The following RNF121 variants were observed in gnomAD, a reference collection of about 807,000 sequenced individuals.
The protein encoded by RNF121 is E3 ubiquitin ligase RNF121.
Under a neutral mutation model 46.5 loss-of-function variants are expected in RNF121, and 21 were observed. That is an observed-to-expected ratio of 0.45 (90% CI 0.32 to 0.65). The LOEUF (loss-of-function observed/expected upper bound fraction) is 0.65, where lower values mean the gene tolerates loss of function less well. Ranked by LOEUF, RNF121 falls within the 30% of genes least tolerant of loss-of-function variation. RNF121 has a pLI of 0.04. For missense variants in RNF121, 346 were observed against 416.0 expected (o/e 0.83, Z 1.46); for synonymous variants, 139 against 144.7 (o/e 0.96, Z 0.28).
intron 3 of RNF121, among the ~76,000 whole-genome samples, chr11:71,961,681 A>C (rs990822357): frequency 6.6e-6 from 1 of 152,264 alleles, no homozygotes. Flanking sequence ...CTTTAAATAT[A>C]AATGGATTAA....
At chr11:71,981,598 G>A (rs1236510020) in intron 3 of RNF121, among the ~76,000 whole-genome samples, 1 of 152,138 alleles carries the variant, frequency 6.6e-6, no homozygotes, top group Non-Finnish European at 1.5e-5. Context: ...GAGAAGACTA[G>A]CGATGACTTC....
At chr11:71,961,664 G>A (rs1390537957) in intron 3 of RNF121, among the ~76,000 whole-genome samples, 2 of 152,214 alleles carry the variant, frequency 1.3e-5, no homozygotes, top group Non-Finnish European at 2.9e-5. Context: ...TTCCTTACCA[G>A]TAATCACTTT....
intron 3 of RNF121, among the ~76,000 whole-genome samples, chr11:71,963,628 A>T (rs1389397775): frequency 1.3e-5 from 2 of 152,152 alleles, no homozygotes; most frequent in Non-Finnish European, 2.9e-5. Context: ...CAAAAAAAAA[A>T]GAGTTTTATA....
At chr11:71,931,210 A>G (rs907105520) in intron 1 of RNF121, among the ~76,000 whole-genome samples, 1 of 152,174 alleles carries the variant, frequency 6.6e-6, no homozygotes, top group African/African-American at 2.4e-5. Context: ...AGGACTTGAG[A>G]GCGTCTAGTA....
intron 3 of RNF121, among the ~76,000 whole-genome samples, chr11:71,969,830 G>A: frequency 6.6e-6 from 1 of 152,138 alleles, no homozygotes; most frequent in East Asian, 1.9e-4. Context: ...GCCTCTCAAA[G>A]TATTGGGATT....
At chr11:71,968,460 A>G (rs1954340946) in intron 3 of RNF121, among the ~76,000 whole-genome samples, 1 of 152,138 alleles carries the variant, frequency 6.6e-6, no homozygotes, top group Non-Finnish European at 1.5e-5. Flanking sequence ...GTTCTTATAA[A>G]GTTCTTCTGC....
chr11:71,974,130 AC>A (rs1180300288), intron 3 of RNF121, among the ~76,000 whole-genome samples: 3 of 151,984 alleles, frequency 2.0e-5, no homozygotes, highest in African/African-American at 7.3e-5. Context: ...TTTAGTAGAG[AC>A]GGGGTTTCAC....
chr11:71,993,646 C>T (rs958944107), intron 6 of RNF121, among the ~76,000 whole-genome samples: 3 of 152,064 alleles, frequency 2.0e-5, no homozygotes, highest in African/African-American at 4.8e-5. Context: ...CTGTGAGTAA[C>T]GCTGTGAGCA....
At chr11:71,957,169 T>C in intron 1 of RNF121, 58 bp from the exon 2 acceptor site, 3 of 1,086,144 alleles carry the variant, frequency 2.8e-6, no homozygotes, top group Non-Finnish European at 4.3e-6. Context: ...GAGCACCTTA[T>C]ATTGGCAGGG....
rs367770176 is a variant in RNF121 at position 71,984,044 on chromosome 11, G to T, written c.398+1129G>T. Among the ~76,000 whole-genome samples the T allele has an allele frequency of 1.2e-4, 18 of 152,288 alleles. No individual in the cohort carries two copies. In the East Asian group the frequency reaches 3.5e-3, roughly 29 times the overall value. ...ATGTGGAGCCAGATGAATGTGGATT[G>T]GGACCCCTAGCCCTGCCACTTGTTC... On this transcript the variant is annotated intron_variant, in intron 4 of 8. Coordinates refer to ENST00000361756, the MANE Select transcript of RNF121 (RefSeq NM_018320.5).
At position 71,990,876 on chromosome 11, in the gene RNF121, G is replaced by A. The variant is rs1954851740; in HGVS notation, c.627+159G>A. On this transcript the variant is annotated intron_variant, in intron 6 of 8. Transcript: ENST00000361756. ...CATGGACATTCCTTCCTTAAAGTTT[G>A]GAAAGCAACACAGCCATAAAAAAAG... is the stretch of plus-strand genomic sequence containing the variant. 4 of 852,364 alleles carry A rather than the reference G, an allele frequency of 4.7e-6. No homozygotes were observed. The African/African-American group carries it at 5.1e-5, about 11-fold the overall frequency. The allele number at this position is 852,364 out of a possible 1,614,324, so 52.8% of individuals were successfully genotyped here.
chr11:71,982,697 G>A, intron 3 of RNF121, 64 bp from the exon 4 acceptor site: 1 of 1,491,424 alleles, frequency 6.7e-7, no homozygotes. Flanking sequence ...AGCTGCATTT[G>A]GGACTGTGGA....
chr11:71,939,055 C>T (rs1953497612), intron 1 of RNF121, among the ~76,000 whole-genome samples: 1 of 152,184 alleles, frequency 6.6e-6, no homozygotes, highest in Non-Finnish European at 1.5e-5. Flanking sequence ...CAGGCACCCG[C>T]CATCATGCCC....
intron 1 of RNF121, among the ~76,000 whole-genome samples, chr11:71,947,762 G>T (rs1033709984): frequency 2.6e-4 from 39 of 152,200 alleles, no homozygotes; most frequent in African/African-American, 9.2e-4. Context: ...ATGCAATCAG[G>T]TGTGTGTCTA....
intron 7 of RNF121, 28 bp from the exon 8 acceptor site, chr11:71,995,422 A>G (rs1255681951): frequency 1.3e-6 from 2 of 1,552,524 alleles, no homozygotes; most frequent in East Asian, 2.4e-5. Flanking sequence ...CCTGGCTCTC[A>G]CCATTTCCCT....
At chr11:71,970,983 C>T (rs1954408216) in intron 3 of RNF121, among the ~76,000 whole-genome samples, 1 of 152,154 alleles carries the variant, frequency 6.6e-6, no homozygotes, top group Non-Finnish European at 1.5e-5. Context: ...AAAACTGACT[C>T]ACCACAAGGA....
At chr11:71,984,633 C>A (rs965455937) in intron 4 of RNF121, among the ~76,000 whole-genome samples, 6 of 151,922 alleles carry the variant, frequency 3.9e-5, no homozygotes, top group African/African-American at 1.5e-4. Flanking sequence ...CACTCTGTCA[C>A]CCAGGCTGGA....
chr11:71,955,567 A>G (rs1278048147), intron 1 of RNF121, among the ~76,000 whole-genome samples: 1 of 152,198 alleles, frequency 6.6e-6, no homozygotes, highest in Non-Finnish European at 1.5e-5. Flanking sequence ...TAGGATGTAG[A>G]TAAGAAACAA....
chr11:71,935,099 G>A lies in RNF121; in HGVS notation c.63+5975G>A, dbSNP rs144063259. Among the ~76,000 whole-genome samples, 6 of 152,132 alleles carry A rather than the reference G, an allele frequency of 3.9e-5. No individual in the cohort carries two copies. In the East Asian group the frequency reaches 1.2e-3, roughly 29 times the overall value. On this transcript the variant is annotated intron_variant, in intron 1 of 8. Transcript: ENST00000361756. The stretch of plus-strand genomic sequence containing the variant: ...TGGGACCACAGGTGTGCACCACCAT[G>A]CCTGGCTAATTTTTGTAGAGACAGA...
Sources: gnomAD v4.1 joint callset for allele counts (sites outside exome capture counted in the v4.1 genomes callset) on GRCh38, gnomAD v4.1.1 for gene constraint, MANE v1.5 for transcripts, NCBI Gene and HGNC (gene_info 2026-07-23, HGNC 2026-07-21) for gene names.